ITGB3BP: variants seen among roughly 807,000 people sequenced by gnomAD.
ITGB3BP encodes the protein centromere protein R.
In ITGB3BP, 27 loss-of-function variants were observed where a neutral mutation model predicts 29.1. The observed-to-expected ratio is 0.93, with a 90% CI of 0.68 to 1.28. The LOEUF (loss-of-function observed/expected upper bound fraction) is 1.28. Ranked by LOEUF, ITGB3BP falls within the 50% of genes most tolerant of loss-of-function variation. The pLI, the probability that ITGB3BP is intolerant of heterozygous loss-of-function variation, is 0.00. For missense variants in ITGB3BP, 192 were observed against 200.2 expected, an observed-to-expected ratio of 0.96 and a Z score of 0.25; for synonymous variants, 61 against 61.4, an observed-to-expected ratio of 0.99 and a Z score of 0.03.
chr1:63,516,404 CAA>C (rs918741626), intron 1 of ITGB3BP, among the ~76,000 whole-genome samples: 9 of 144,540 alleles, frequency 6.2e-5, no homozygotes, highest in East Asian at 2.1e-4. Flanking sequence ...AGAAAGAAAA[CAA>C]GAGAAAAAAG....
At chr1:63,455,051 A>G in intron 4 of ITGB3BP, 83 bp from the exon 5 acceptor site, 1 of 684,864 alleles carries the variant, frequency 1.5e-6, no homozygotes, top group Non-Finnish European at 2.6e-6. Flanking sequence ...AACTCTTTTT[A>G]AAGGACCTTA....
intron 2 of ITGB3BP, among the ~76,000 whole-genome samples, chr1:63,504,726 G>T (rs1410561250): frequency 2.0e-5 from 3 of 152,164 alleles, no homozygotes; most frequent in Non-Finnish European, 4.4e-5. Flanking sequence ...CATGAAGGTT[G>T]TTGAATTTTG....
rs543572771 is a variant in ITGB3BP, at chr1:63,508,669, T to C, written c.6-99A>G. 87 of 549,184 alleles carry C rather than the reference T, an allele frequency of 1.6e-4. 1 individual carries two copies. The highest frequency in any genetic ancestry group is 1.3e-3 in the African/African-American group (67 of 51,104). The allele number at this position is 549,184 out of a possible 1,614,324, so 34.0% of individuals were successfully genotyped here. On this transcript the variant is annotated intron_variant, in intron 1 of 8. Coordinates refer to ENST00000271002, the MANE Select transcript of ITGB3BP (RefSeq NM_014288.5). ...ATATATAAACAAAGATTCTTAGTTC[T>C]ACCAACCAATTTTTATATTATGTAT...
chr1:63,455,073 T>C (rs1468001035), intron 4 of ITGB3BP, 105 bp from the exon 5 acceptor site: 2 of 607,748 alleles, frequency 3.3e-6, no homozygotes, highest in Non-Finnish European at 5.8e-6. Context: ...ACTTAGGTTC[T>C]TTCATTCTTT....
chr1:63,519,284 A>C (rs35817321), intron 1 of ITGB3BP, among the ~76,000 whole-genome samples: 20,973 of 152,114 alleles, frequency 0.14, 1,565 homozygotes, highest in Middle Eastern at 0.25. Flanking sequence ...CATCTAACCC[A>C]AAATCTCTTT....
intron 7 of ITGB3BP, chr1:63,453,483 A>G (rs1644889469): frequency 6.4e-6 from 1 of 155,708 alleles, no homozygotes; most frequent in Non-Finnish European, 1.4e-5. Context: ...ATGCTCAGAC[A>G]TAAGAGTTCA....
chr1:63,508,635 TAAGGG>T (rs1646131492), intron 1 of ITGB3BP, 65 bp from the exon 2 acceptor site: 4 of 688,632 alleles, frequency 5.8e-6, no homozygotes, highest in Middle Eastern at 2.5e-4. Context: ...GCCCAATAAT[TAAGGG>T]AAGATATATA....
intron 1 of ITGB3BP, among the ~76,000 whole-genome samples, chr1:63,515,638 C>A (rs55870412): frequency 0.012 from 1,845 of 151,750 alleles, 46 homozygotes; most frequent in African/African-American, 0.043. Flanking sequence ...CCAGCCTGAT[C>A]AATATGGTGA....
chr1:63,478,683 T>C (rs775228562), intron 4 of ITGB3BP, 81 bp downstream of exon 4: 13 of 675,240 alleles, frequency 1.9e-5, no homozygotes, highest in Non-Finnish European at 3.3e-5. Flanking sequence ...TACAAATAAA[T>C]GCTTTTAAAC....
intron 4 of ITGB3BP, among the ~76,000 whole-genome samples, chr1:63,474,931 CAA>C (rs1330341184): frequency 0.021 from 3,134 of 147,336 alleles, 111 homozygotes; most frequent in African/African-American, 0.074. Flanking sequence ...CAAAACAAAA[CAA>C]AAACAAAAAC....
chr1:63,523,637 A>G (rs551843457), upstream of ITGB3BP: 5 of 182,978 alleles, frequency 2.7e-5, no homozygotes, highest in South Asian at 5.0e-4. Flanking sequence ...AGAATTAGGT[A>G]GCAAACAGCT....
chr1:63,463,185 G>A (rs1444003569), intron 4 of ITGB3BP, among the ~76,000 whole-genome samples: 2 of 143,688 alleles, frequency 1.4e-5, no homozygotes, highest in African/African-American at 5.1e-5. Context: ...GGTGGTGGAG[G>A]TTGCAGTGAG....
rs41285380 is a variant in ITGB3BP at position 63,453,874 on chromosome 1, G to A, written c.484+44C>T. The A allele has an allele frequency of 3.1e-3, 3,611 of 1,168,208 alleles. 11 individuals carry two copies. Among genetic ancestry groups the A allele is most frequent in the Non-Finnish European group, 3.8e-3 (2,990 of 786,128 alleles). 72.4% of individuals were successfully genotyped at this position (1,168,208 alleles called of 1,614,324 possible). Reference sequence around the variant, plus strand: ...TGATTAGTTTTAATTGGCAAAATGGGATGAAAGCATCTTTATGTAATAAAC... The same window carrying A: ...TGATTAGTTTTAATTGGCAAAATGGAATGAAAGCATCTTTATGTAATAAAC... On this transcript the variant is annotated intron_variant, in intron 7 of 8. Transcript: ENST00000271002.
chr1:63,523,289 A>C, upstream of ITGB3BP: 1 of 938,016 alleles, frequency 1.1e-6, no homozygotes, highest in Non-Finnish European at 1.7e-6. Context: ...CCTCCCCGCG[A>C]CGAAGGATCC....
intron 2 of ITGB3BP, among the ~76,000 whole-genome samples, chr1:63,497,585 A>G (rs879741233): frequency 6.6e-5 from 10 of 152,360 alleles, no homozygotes; most frequent in Non-Finnish European, 1.5e-4. Context: ...AGGAAGATAA[A>G]TGTATCTAAG....
At chr1:63,465,783 T>C (rs1157390515) in intron 4 of ITGB3BP, among the ~76,000 whole-genome samples, 1 of 152,206 alleles carries the variant, frequency 6.6e-6, no homozygotes, top group Non-Finnish European at 1.5e-5. Flanking sequence ...AAGATTTTTG[T>C]TTGAATAAAC....
intron 2 of ITGB3BP, among the ~76,000 whole-genome samples, chr1:63,495,769 C>G (rs1231572833): frequency 1.3e-5 from 2 of 152,090 alleles, no homozygotes; most frequent in African/African-American, 4.8e-5. Context: ...AACCAGGATG[C>G]TTTATCTTAG....
intron 4 of ITGB3BP, among the ~76,000 whole-genome samples, chr1:63,471,231 T>C (rs1570176478): frequency 6.6e-6 from 1 of 152,164 alleles, no homozygotes; most frequent in East Asian, 1.9e-4. Flanking sequence ...TTGTTGGCAT[T>C]TTGCCTAATC....
chr1:63,502,443 GT>G (rs1389922903), intron 2 of ITGB3BP, among the ~76,000 whole-genome samples: 2 of 151,454 alleles, frequency 1.3e-5, no homozygotes, highest in African/African-American at 4.9e-5. Context: ...GGAAAAAGAG[GT>G]TTAATTGCAC....
Sources: gnomAD v4.1 joint callset for allele counts (sites outside exome capture counted in the v4.1 genomes callset) on GRCh38, gnomAD v4.1.1 for gene constraint, MANE v1.5 for transcripts, NCBI Gene and HGNC (gene_info 2026-07-23, HGNC 2026-07-21) for gene names.